The following VPS13C variants were observed in gnomAD, a reference collection of about 807,000 sequenced individuals.
VPS13C encodes the protein vacuolar protein sorting 13 homolog C, also known as intermembrane lipid transfer protein VPS13C.
VPS13C carries 358 observed loss-of-function variants against 456.8 expected under a neutral mutation model. The ratio of observed to expected loss-of-function variants is 0.78; its 90% CI spans 0.72 to 0.86. VPS13C has a LOEUF of 0.86. VPS13C is among the 40% of genes least tolerant of loss of function. The pLI, the probability that VPS13C is intolerant of heterozygous loss-of-function variation, is 0.00. For missense variants in VPS13C, 4,818 were observed against 4,385.4 expected (o/e 1.10, Z -2.79); for synonymous variants, 1,578 against 1,486.7 (o/e 1.06, Z -1.41).
chr15:61,878,498 G>A, intron 74 of VPS13C, 109 bp downstream of exon 74: 1 of 1,410,258 alleles, frequency 7.1e-7, no homozygotes, highest in Non-Finnish European at 9.5e-7. Flanking sequence ...AATATAAGTA[G>A]TAAAGTTATC....
chr15:61,892,590 G>A (rs530504962), intron 66 of VPS13C, among the ~76,000 whole-genome samples: 12 of 152,170 alleles, frequency 7.9e-5, no homozygotes, highest in South Asian at 2.1e-4. Context: ...AGCCATAGAC[G>A]CATGTCCACA....
intron 24 of VPS13C, among the ~76,000 whole-genome samples, chr15:61,976,808 A>G (rs1465410376): frequency 6.6e-6 from 1 of 151,950 alleles, no homozygotes; most frequent in Admixed American, 6.6e-5. Flanking sequence ...GTGTTCGAAG[A>G]TTTTATTTTG....
intron 68 of VPS13C, among the ~76,000 whole-genome samples, 170 bp from the exon 69 acceptor site, chr15:61,882,906 T>C (rs1286396375): frequency 1.3e-5 from 2 of 152,242 alleles, no homozygotes; most frequent in East Asian, 3.9e-4. Flanking sequence ...AAGCACCACT[T>C]TTCTACCAGT....
intron 20 of VPS13C, among the ~76,000 whole-genome samples, chr15:61,982,952 T>C (rs1281493678): frequency 6.6e-6 from 1 of 152,212 alleles, no homozygotes; most frequent in Admixed American, 6.5e-5. Flanking sequence ...AAGAAAGCCA[T>C]TCAGCTCTTA....
intron 22 of VPS13C, among the ~76,000 whole-genome samples, chr15:61,979,042 C>T (rs1373755403): frequency 6.6e-6 from 1 of 152,146 alleles, no homozygotes; most frequent in African/African-American, 2.4e-5. Context: ...TCCTGGCTCT[C>T]AGGAATTATT....
rs995366972 is a variant in VPS13C at position 62,018,112 on chromosome 15, C to T, written c.684+2367G>A. Among the ~76,000 whole-genome samples, 23 of 152,240 alleles carry T rather than the reference C, an allele frequency of 1.5e-4. No homozygotes were observed. In the South Asian group the frequency reaches 4.6e-3, roughly 30 times the overall value. ...TGTCTGTTATTGGTGTATAAGAATG[C>T]TTGTGATTTTTGCACATTGATTTTG... On this transcript the variant is annotated intron_variant, in intron 9 of 84. Transcript: ENST00000644861.
intron 57 of VPS13C, among the ~76,000 whole-genome samples, 173 bp downstream of exon 57, chr15:61,919,894 A>C (rs2043593968): frequency 6.6e-6 from 1 of 150,660 alleles, no homozygotes; most frequent in African/African-American, 2.4e-5. Flanking sequence ...TCTTAAATCA[A>C]TAAAGTTTAA....
At position 62,038,275 on chromosome 15, in the gene VPS13C, T is replaced by G. The variant is rs182192986; in HGVS notation, c.187+3049A>C. ...AAAAGCAAATGCAAGAAAAACAAAT[T>G]AAACAAATAGGACTTAACTAAGAAG... On this transcript the variant is annotated intron_variant, in intron 3 of 84. Transcript: ENST00000644861. Among the ~76,000 whole-genome samples the G allele has an allele frequency of 5.9e-3, 892 of 152,056 alleles. 7 individuals carry two copies. The highest frequency in any genetic ancestry group is 9.6e-3 in the Admixed American group (147 of 15,250).
intron 16 of VPS13C, among the ~76,000 whole-genome samples, chr15:61,996,441 C>A (rs1160038887): frequency 6.6e-6 from 1 of 152,012 alleles, no homozygotes; most frequent in Non-Finnish European, 1.5e-5. Flanking sequence ...ATCACAATGT[C>A]AAAAATACAA....
chr15:61,910,546 A>G (rs2043275379), intron 63 of VPS13C, among the ~76,000 whole-genome samples: 1 of 152,166 alleles, frequency 6.6e-6, no homozygotes, highest in Non-Finnish European at 1.5e-5. Context: ...TATAATTGCA[A>G]TATGAGAAAC....
chr15:62,017,462 A>G (rs1358557115), intron 9 of VPS13C, among the ~76,000 whole-genome samples: 1 of 152,156 alleles, frequency 6.6e-6, no homozygotes, highest in Non-Finnish European at 1.5e-5. Flanking sequence ...TGATTTTTGT[A>G]TAAGGTGTAA....
intron 27 of VPS13C, among the ~76,000 whole-genome samples, chr15:61,972,023 G>A (rs1364810): frequency 0.54 from 82,031 of 151,974 alleles, 22,358 homozygotes; most frequent in Admixed American, 0.62. Context: ...AAGCAGGCAT[G>A]TATAAAAACC....
At chr15:61,880,816 T>C in intron 72 of VPS13C, 27 bp downstream of exon 72, 1 of 1,572,268 alleles carries the variant, frequency 6.4e-7, no homozygotes, top group Admixed American at 2.0e-5. Flanking sequence ...TAATTTTATA[T>C]TTTCCCCAAG....
intron 67 of VPS13C, among the ~76,000 whole-genome samples, chr15:61,888,702 G>C (rs1226417167): frequency 6.6e-6 from 1 of 152,086 alleles, no homozygotes; most frequent in African/African-American, 2.4e-5. Context: ...TTTAGAAGAG[G>C]AATGGAGGGA....
intron 66 of VPS13C, among the ~76,000 whole-genome samples, chr15:61,904,274 C>T (rs2043090147): frequency 6.7e-6 from 1 of 150,194 alleles, no homozygotes; most frequent in East Asian, 2.0e-4. Context: ...TCAAAACACT[C>T]CACAAGCTTG....
chr15:62,056,870 A>G (rs1173971092), intron 1 of VPS13C, among the ~76,000 whole-genome samples: 3 of 152,166 alleles, frequency 2.0e-5, no homozygotes, highest in African/African-American at 7.2e-5. Context: ...GCTGCCAGGC[A>G]GGGAAGGGCC....
intron 45 of VPS13C, among the ~76,000 whole-genome samples, chr15:61,943,163 G>T (rs772120833): frequency 6.6e-6 from 1 of 152,048 alleles, no homozygotes; most frequent in Non-Finnish European, 1.5e-5. Flanking sequence ...TGGATTACAA[G>T]AATCAATATT....
chr15:61,884,672 A>C (rs1596290438), intron 67 of VPS13C, among the ~76,000 whole-genome samples: 1 of 150,580 alleles, frequency 6.6e-6, no homozygotes, highest in East Asian at 2.0e-4. Context: ...ATTCTTAAAA[A>C]CAAGTCTATT....
chr15:61,897,821 T>C (rs1327389602), intron 66 of VPS13C, among the ~76,000 whole-genome samples: 1 of 151,612 alleles, frequency 6.6e-6, no homozygotes, highest in Non-Finnish European at 1.5e-5. Context: ...AAAGTTGCAA[T>C]GAAGGAAAAA....
Sources: allele counts gnomAD v4.1 joint callset (sites outside exome capture counted in the v4.1 genomes callset), GRCh38; gene constraint gnomAD v4.1.1; transcripts MANE v1.5; gene names NCBI Gene and HGNC (gene_info 2026-07-23, HGNC 2026-07-21).